The following PPP2R3B variants were observed in gnomAD, a reference collection of about 807,000 sequenced individuals.
The protein encoded by PPP2R3B is serine/threonine-protein phosphatase 2A regulatory subunit B'' subunit beta.
In PPP2R3B, 68 loss-of-function variants were observed where a neutral mutation model predicts 72.9. That is an observed-to-expected ratio of 0.93 (90% CI 0.77 to 1.14). The LOEUF (loss-of-function observed/expected upper bound fraction) is 1.14. PPP2R3B is among the 50% of genes most tolerant of loss of function. PPP2R3B has a pLI of 0.00. For synonymous variants in PPP2R3B, 466 were observed against 375.8 expected (o/e 1.24, Z -2.78); for missense variants, 1,018 against 842.0 (o/e 1.21, Z -2.59).
At chrX:381,836 G>A (rs2072133483) in intron 1 of PPP2R3B, among the ~76,000 whole-genome samples, 1 of 151,952 alleles carries the variant, frequency 6.6e-6, no homozygotes, top group African/African-American at 2.4e-5. Context: ...CTGACCTTGT[G>A]ATCCGCCCGC....
At chrX:342,822 A>G (rs1268430397) in intron 7 of PPP2R3B, among the ~76,000 whole-genome samples, 8 of 44,386 alleles carry the variant, frequency 1.8e-4, no homozygotes, top group African/African-American at 4.6e-4. Context: ...GGGAGACCTC[A>G]GCAACGGGAG....
chrX:348,054 G>C (rs2071260207), intron 2 of PPP2R3B, among the ~76,000 whole-genome samples: 1 of 152,152 alleles, frequency 6.6e-6, no homozygotes, highest in South Asian at 2.1e-4. Context: ...CGGTGAATCG[G>C]ACGGCGACAG....
chrX:368,014 C>A (rs774159339), intron 1 of PPP2R3B, among the ~76,000 whole-genome samples: 5 of 152,352 alleles, frequency 3.3e-5, no homozygotes, highest in African/African-American at 9.6e-5. Context: ...CTAACTTTAT[C>A]CATGCCTGAC....
intron 1 of PPP2R3B, among the ~76,000 whole-genome samples, chrX:383,619 C>A (rs750018058): frequency 6.6e-6 from 1 of 151,842 alleles, no homozygotes; most frequent in Admixed American, 6.6e-5. Context: ...GGGCGGATCA[C>A]GAGGTCAGGA....
chrX:374,690 G>A (rs2071951111), intron 1 of PPP2R3B, among the ~76,000 whole-genome samples: 1 of 152,232 alleles, frequency 6.6e-6, no homozygotes, highest in South Asian at 2.1e-4. Context: ...CCGGGTCCCC[G>A]ATCAGGAAGG....
At chrX:376,825 G>A (rs1232222945) in intron 1 of PPP2R3B, among the ~76,000 whole-genome samples, 1 of 122,582 alleles carries the variant, frequency 8.2e-6, no homozygotes, top group Non-Finnish European at 1.8e-5. Context: ...TGTATACAGG[G>A]ACGGGCCGTC....
chrX:372,241 T>C (rs1387649056), intron 1 of PPP2R3B, among the ~76,000 whole-genome samples: 1 of 152,172 alleles, frequency 6.6e-6, no homozygotes, highest in Non-Finnish European at 1.5e-5. Context: ...ACAGGCAAAA[T>C]GTCAAAACCT....
chrX:341,789 G>T, intron 8 of PPP2R3B, 94 bp downstream of exon 8: 1 of 1,358,448 alleles, frequency 7.4e-7, no homozygotes, highest in Non-Finnish European at 1.1e-6. Flanking sequence ...CTCGCTGTCG[G>T]GGCACAAAAA....
At chrX:358,038 C>T (rs1449648156) in intron 2 of PPP2R3B, among the ~76,000 whole-genome samples, 1 of 152,206 alleles carries the variant, frequency 6.6e-6, no homozygotes, top group Non-Finnish European at 1.5e-5. Context: ...GGCCAAAGTC[C>T]ACCCGCCTGA....
At chrX:352,640 G>A (rs376029274) in intron 2 of PPP2R3B, among the ~76,000 whole-genome samples, 86 of 151,820 alleles carry the variant, frequency 5.7e-4, no homozygotes, top group African/African-American at 2.0e-3. Context: ...AAACACCGCC[G>A]GCCCCAAGGC....
intron 12 of PPP2R3B, chrX:337,344 T>C (rs1328672359): frequency 6.6e-6 from 1 of 152,090 alleles, no homozygotes; most frequent in African/African-American, 2.4e-5. Context: ...CCTCCCAAAG[T>C]GCTGGGATGA....
intron 2 of PPP2R3B, among the ~76,000 whole-genome samples, chrX:352,031 C>T (rs1453959318): frequency 2.6e-5 from 4 of 152,108 alleles, no homozygotes; most frequent in Non-Finnish European, 4.4e-5. Context: ...GAGAACTGAG[C>T]GGGAGAGTGC....
chrX:377,722 C>T (rs2072028776), intron 1 of PPP2R3B, among the ~76,000 whole-genome samples: 1 of 141,052 alleles, frequency 7.1e-6, no homozygotes, highest in Non-Finnish European at 1.5e-5. Flanking sequence ...CAGGGACGGG[C>T]CGTCCACACC....
At chrX:351,368 T>C (rs1372674291) in intron 2 of PPP2R3B, among the ~76,000 whole-genome samples, 3 of 151,962 alleles carry the variant, frequency 2.0e-5, no homozygotes, top group Non-Finnish European at 2.9e-5. Flanking sequence ...CACCCAGGGA[T>C]GGGGGGATGT....
intron 1 of PPP2R3B, among the ~76,000 whole-genome samples, chrX:378,880 A>T (rs2072055941): frequency 6.6e-6 from 1 of 152,248 alleles, no homozygotes; most frequent in African/African-American, 2.4e-5. Flanking sequence ...CAAAAGCTAC[A>T]GTCCCTGGGC....
chrX:341,472 G>A (rs2071073452), intron 8 of PPP2R3B, 76 bp from the exon 9 acceptor site: 8 of 1,493,580 alleles, frequency 5.4e-6, no homozygotes, highest in African/African-American at 4.2e-5. Flanking sequence ...CCCTGTCCAC[G>A]CGCCTCGGTG....
In PPP2R3B at chrX:347,373, G is replaced by T. The variant is rs374020254; in HGVS notation, c.615-37C>A. The stretch of plus-strand genomic sequence containing the variant: ...GGATGACTGGGCACCACCCTCACAG[G>T]GGGGTGGCTTTCGACCCCGCAGACG... On this transcript the variant is annotated intron_variant, in intron 3 of 12. Coordinates refer to ENST00000390665, the MANE Select transcript of PPP2R3B (RefSeq NM_013239.5). 14 of 1,600,272 alleles carry T rather than the reference G, an allele frequency of 8.7e-6. No individual in the cohort carries two copies. In the African/African-American group the frequency reaches 1.3e-4, roughly 15 times the overall value.
At chrX:377,706 T>C (rs2072028231) in intron 1 of PPP2R3B, among the ~76,000 whole-genome samples, 1 of 142,682 alleles carries the variant, frequency 7.0e-6, no homozygotes, top group Non-Finnish European at 1.5e-5. Flanking sequence ...TATACACTAC[T>C]GTGTACAGGG....
At chrX:352,284 TG>T in intron 2 of PPP2R3B, among the ~76,000 whole-genome samples, 1 of 152,194 alleles carries the variant, frequency 6.6e-6, no homozygotes, top group East Asian at 1.9e-4. Context: ...CGACTCCTTG[TG>T]GGGCCCGGCA....
Sources: gnomAD v4.1 joint callset for allele counts (sites outside exome capture counted in the v4.1 genomes callset) on GRCh38, gnomAD v4.1.1 for gene constraint, MANE v1.5 for transcripts, NCBI Gene and HGNC (gene_info 2026-07-23, HGNC 2026-07-21) for gene names.